Variants in ESRRG observed in about 807,000 individuals in gnomAD.
ESRRG encodes estrogen related receptor gamma.
ESRRG carries 13 observed loss-of-function variants against 44.0 expected under a neutral mutation model. The ratio of observed to expected loss-of-function variants is 0.30; its 90% CI spans 0.19 to 0.47. ESRRG has a LOEUF of 0.47. Among genes scored for constraint, ESRRG ranks in the 20% least tolerant of loss-of-function variants. The pLI is 1.00. For missense variants in ESRRG, 395 were observed against 580.6 expected (o/e 0.68, Z 3.29); for synonymous variants, 215 against 214.6 (o/e 1.00, Z -0.02).
rs183735872 is a variant in ESRRG at position 216,610,008 on chromosome 1, T to G, written c.589+40965A>C. ...GTGATCAGTCTCCACAAAAGTGAAG[T>G]TCACTGTCACAGAAGGGCCTAGCCC... On this transcript the variant is annotated intron_variant, in intron 3 of 6. Transcript: ENST00000408911. Among the ~76,000 whole-genome samples the G allele has an allele frequency of 8.5e-5, 13 of 152,306 alleles. No individual in the cohort carries two copies. In the East Asian group the frequency reaches 2.5e-3, roughly 29 times the overall value.
intron 6 of ESRRG, among the ~76,000 whole-genome samples, chr1:216,512,885 A>G (rs910691235): frequency 7.9e-5 from 12 of 152,168 alleles, no homozygotes; most frequent in Non-Finnish European, 1.5e-4. Flanking sequence ...AGGCAATGTT[A>G]CCACTGAGGC....
intron 2 of ESRRG, among the ~76,000 whole-genome samples, chr1:216,831,917 T>C (rs2095493847): frequency 1.3e-5 from 2 of 152,180 alleles, no homozygotes; most frequent in African/African-American, 4.8e-5. Context: ...CTATTATTTA[T>C]TGTTCTTTTT....
intron 1 of ESRRG, among the ~76,000 whole-genome samples, chr1:216,696,366 A>G (rs2080162067): frequency 6.6e-6 from 1 of 152,196 alleles, no homozygotes; most frequent in South Asian, 2.1e-4. Context: ...TATGTTTAAC[A>G]CTTTAATCTT....
intron 1 of ESRRG, among the ~76,000 whole-genome samples, chr1:216,709,343 G>GTATATATATATATATA (rs71163761): frequency 6.1e-4 from 88 of 145,390 alleles, no homozygotes; most frequent in African/African-American, 2.2e-3. Flanking sequence ...GTGTGTGTGT[G>GTATATATATATATATA]TATATATATA....
At chr1:216,776,782 T>A (rs1048058800) in intron 2 of ESRRG, among the ~76,000 whole-genome samples, 6 of 152,136 alleles carry the variant, frequency 3.9e-5, no homozygotes, top group African/African-American at 1.4e-4. Context: ...CCAGTCCTGA[T>A]CACATTAAAG....
At chr1:216,560,820 C>T (rs1031114643) in intron 5 of ESRRG, among the ~76,000 whole-genome samples, 6 of 152,106 alleles carry the variant, frequency 3.9e-5, no homozygotes, top group South Asian at 2.1e-4. Context: ...TGTTAGCATG[C>T]GCTTATCCGA....
At chr1:216,546,495 G>A (rs900840559) in intron 5 of ESRRG, among the ~76,000 whole-genome samples, 1 of 152,032 alleles carries the variant, frequency 6.6e-6, no homozygotes, top group African/African-American at 2.4e-5. Context: ...GCCATGCTCG[G>A]TTTAATGCTC....
intron 1 of ESRRG, among the ~76,000 whole-genome samples, chr1:216,978,858 C>CT: frequency 6.6e-6 from 1 of 152,224 alleles, no homozygotes; most frequent in African/African-American, 2.4e-5. Context: ...TCCTCTTCAG[C>CT]TTTTTTTCCC....
At chr1:216,509,514 G>A (rs755504928) in intron 6 of ESRRG, among the ~76,000 whole-genome samples, 5 of 151,998 alleles carry the variant, frequency 3.3e-5, no homozygotes, top group African/African-American at 4.8e-5. Flanking sequence ...CAGTTACCTC[G>A]GCCCTACCCA....
intron 2 of ESRRG, among the ~76,000 whole-genome samples, chr1:216,762,903 A>C (rs1319420386): frequency 6.6e-6 from 1 of 152,110 alleles, no homozygotes; most frequent in Non-Finnish European, 1.5e-5. Flanking sequence ...ATTATTATTC[A>C]TATGAAATTC....
chr1:216,511,933 A>G (rs2148796193), intron 6 of ESRRG, among the ~76,000 whole-genome samples: 1 of 152,326 alleles, frequency 6.6e-6, no homozygotes, highest in East Asian at 1.9e-4. Flanking sequence ...TAGGACACCA[A>G]TTATTTACTC....
intron 1 of ESRRG, among the ~76,000 whole-genome samples, chr1:217,024,122 G>C (rs2080800673): frequency 1.3e-5 from 2 of 152,186 alleles, no homozygotes; most frequent in South Asian, 4.1e-4. Context: ...ACTTTGGGAA[G>C]CCCAGGTGGG....
chr1:216,771,173 A>C (rs1417165046), intron 2 of ESRRG, among the ~76,000 whole-genome samples: 2 of 152,152 alleles, frequency 1.3e-5, no homozygotes, highest in African/African-American at 4.8e-5. Flanking sequence ...TTTCTTTGCC[A>C]AATGAACAAA....
chr1:216,682,059 C>T (rs560386287), intron 1 of ESRRG: 3 of 152,180 alleles, frequency 2.0e-5, no homozygotes, highest in African/African-American at 7.2e-5. Flanking sequence ...TAGGGTTATA[C>T]ATTATTAACC....
intron 1 of ESRRG, among the ~76,000 whole-genome samples, chr1:216,955,822 A>G (rs2067849895): frequency 6.6e-6 from 1 of 152,116 alleles, no homozygotes; most frequent in Non-Finnish European, 1.5e-5. Context: ...TTTTTCAAAT[A>G]CTTATTGGCT....
upstream of ESRRG, among the ~76,000 whole-genome samples, chr1:216,725,213 G>A (rs1405942566): frequency 6.6e-6 from 1 of 152,066 alleles, no homozygotes; most frequent in Non-Finnish European, 1.5e-5. Context: ...CCTTTTATTT[G>A]TGTTCTAAAT....
chr1:216,699,530 T>A (rs1395371253), intron 1 of ESRRG, among the ~76,000 whole-genome samples: 1 of 152,140 alleles, frequency 6.6e-6, no homozygotes, highest in Non-Finnish European at 1.5e-5. Flanking sequence ...ACTCTTGATG[T>A]TGAAAGAGGA....
chr1:216,898,917 G>A (rs2058740283), intron 2 of ESRRG, among the ~76,000 whole-genome samples: 1 of 152,126 alleles, frequency 6.6e-6, no homozygotes, highest in Non-Finnish European at 1.5e-5. Context: ...TTAGGCAGTA[G>A]GGAAGGCCAC....
chr1:216,718,228 T>A (rs1559387873), intron 1 of ESRRG, among the ~76,000 whole-genome samples: 1 of 151,806 alleles, frequency 6.6e-6, no homozygotes, highest in Non-Finnish European at 1.5e-5. Context: ...ATTAGAATAA[T>A]ACTTGAGATC....
Sources: allele counts gnomAD v4.1 joint callset (sites outside exome capture counted in the v4.1 genomes callset), GRCh38; gene constraint gnomAD v4.1.1; transcripts MANE v1.5; gene names NCBI Gene and HGNC (gene_info 2026-07-23, HGNC 2026-07-21).